Variants in ANKS1B observed in about 807,000 individuals in gnomAD.
ANKS1B encodes the protein ankyrin repeat and sterile alpha motif domain-containing protein 1B.
Under a neutral mutation model 148.3 loss-of-function variants are expected in ANKS1B, and 36 were observed. The observed-to-expected ratio is 0.24, with a 90% CI of 0.19 to 0.32. ANKS1B has a LOEUF of 0.32. Ranked by LOEUF, ANKS1B falls within the 10% of genes least tolerant of loss-of-function variation. The pLI is 1.00. For synonymous variants in ANKS1B, 542 were observed against 560.8 expected (o/e 0.97, Z 0.47); for missense variants, 1,157 against 1,542.6 (o/e 0.75, Z 4.19).
At chr12:99,383,773 G>C (rs528037756) in intron 12 of ANKS1B, among the ~76,000 whole-genome samples, 6 of 150,510 alleles carry the variant, frequency 4.0e-5, no homozygotes, top group Admixed American at 6.6e-5. Context: ...AGCACTTTGG[G>C]AGGCTGAGGC....
chr12:99,464,419 GC>G (rs2096059190), intron 10 of ANKS1B, among the ~76,000 whole-genome samples: 2 of 152,182 alleles, frequency 1.3e-5, no homozygotes, highest in Admixed American at 1.3e-4. Context: ...TTCCTCACCA[GC>G]AACAGAACAA....
At chr12:99,906,562 A>T (rs796474249) in intron 1 of ANKS1B, among the ~76,000 whole-genome samples, 1 of 152,184 alleles carries the variant, frequency 6.6e-6, no homozygotes, top group South Asian at 2.1e-4. Context: ...GAAGTGGGCC[A>T]TATTCATCTC....
intron 8 of ANKS1B, among the ~76,000 whole-genome samples, chr12:99,662,747 T>C (rs527631574): frequency 1.3e-5 from 2 of 152,296 alleles, no homozygotes; most frequent in East Asian, 3.9e-4. Context: ...ACAAACTCTA[T>C]AGCGGAGGTG....
At chr12:99,415,872 A>C (rs2094886822) in intron 11 of ANKS1B, among the ~76,000 whole-genome samples, 1 of 151,956 alleles carries the variant, frequency 6.6e-6, no homozygotes, top group South Asian at 2.1e-4. Flanking sequence ...TTTAGTAGAG[A>C]CGGGGTTTCA....
rs182471955 is a variant in ANKS1B at position 99,135,171 on chromosome 12, G to A, written c.2526+19118C>T. On this transcript the variant is annotated intron_variant, in intron 15 of 26. Coordinates refer to ENST00000683438, the MANE Select transcript of ANKS1B (RefSeq NM_001352186.2). The stretch of plus-strand genomic sequence containing the variant: ...GCCTTGAGAAATTGAAAATATTATT[G>A]CCAAAATTTTAAAAATCTATTTAAA... Among the ~76,000 whole-genome samples the A allele has an allele frequency of 2.0e-5, 3 of 152,182 alleles. No homozygotes were observed. The East Asian group carries it at 5.8e-4, about 29-fold the overall frequency.
chr12:99,649,548 C>G (rs2098404493), intron 9 of ANKS1B: 2 of 620,180 alleles, frequency 3.2e-6, no homozygotes, highest in South Asian at 3.9e-5. Context: ...TGGCTGCAAC[C>G]AAGTCTGCAG....
At chr12:98,761,182 A>G (rs1048349409) in intron 25 of ANKS1B, among the ~76,000 whole-genome samples, 3 of 152,218 alleles carry the variant, frequency 2.0e-5, no homozygotes, top group Admixed American at 6.5e-5. Flanking sequence ...CCACTGGGCT[A>G]TCCTACCTTC....
At position 99,673,655 on chromosome 12, in the gene ANKS1B, C is replaced by A. The variant is rs116561100; in HGVS notation, c.1129-18445G>T. On this transcript the variant is annotated intron_variant, in intron 8 of 26. Transcript: ENST00000683438. ...GATAATGCAGTCCTCATGAATAATTCTTGAGATAATACATTTATCCTATTT... is the reference window on the plus strand; with the variant it reads ...GATAATGCAGTCCTCATGAATAATTATTGAGATAATACATTTATCCTATTT... 4.9e-3 allele frequency among the ~76,000 whole-genome samples: 739 copies of A among 151,902 alleles called. 7 individuals carry two copies. The highest frequency in any genetic ancestry group is 0.017 in the African/African-American group (696 of 41,516).
intron 4 of ANKS1B, among the ~76,000 whole-genome samples, chr12:99,803,314 A>T (rs1420764695): frequency 2.0e-5 from 3 of 146,484 alleles, no homozygotes; most frequent in Non-Finnish European, 4.5e-5. Flanking sequence ...CCAAAAAAAA[A>T]ACCAACATAT....
chr12:99,017,022 T>A (rs143305377), intron 17 of ANKS1B, among the ~76,000 whole-genome samples: 1,592 of 152,270 alleles, frequency 0.01, 12 homozygotes, highest in Non-Finnish European at 0.016. Context: ...GTGGGCAATA[T>A]CTAAATATGC....
chr12:99,555,897 T>C (rs1038891846), intron 9 of ANKS1B, among the ~76,000 whole-genome samples: 16 of 152,166 alleles, frequency 1.1e-4, no homozygotes, highest in Non-Finnish European at 1.6e-4. Context: ...GAAGATTTGT[T>C]TTTTGTTGTA....
chr12:99,318,533 T>C (rs1324273742), intron 12 of ANKS1B, among the ~76,000 whole-genome samples: 1 of 152,206 alleles, frequency 6.6e-6, no homozygotes, highest in African/African-American at 2.4e-5. Context: ...TATCATTTTT[T>C]TATTGTGTCT....
chr12:99,943,925 G>A (rs2094985815), intron 1 of ANKS1B, among the ~76,000 whole-genome samples: 1 of 151,896 alleles, frequency 6.6e-6, no homozygotes, highest in African/African-American at 2.4e-5. Flanking sequence ...ATCTACATTA[G>A]GTATTTCTCC....
At chr12:98,833,317 A>G (rs949568729) in intron 17 of ANKS1B, among the ~76,000 whole-genome samples, 1 of 152,224 alleles carries the variant, frequency 6.6e-6, no homozygotes, top group Admixed American at 6.5e-5. Flanking sequence ...ATTCCAAAGC[A>G]TGTTTTACTC....
chr12:99,605,237 T>C (rs1294979703), intron 9 of ANKS1B, among the ~76,000 whole-genome samples: 1 of 152,120 alleles, frequency 6.6e-6, no homozygotes, highest in East Asian at 1.9e-4. Flanking sequence ...TGCATACTTA[T>C]GGAGTGTACA....
chr12:99,798,269 T>G (rs539557322), intron 4 of ANKS1B, among the ~76,000 whole-genome samples: 1 of 151,932 alleles, frequency 6.6e-6, no homozygotes, highest in East Asian at 1.9e-4. Flanking sequence ...AGCATAAAAC[T>G]GTGAGAAGCA....
chr12:99,804,900 GGCTGACCT>G (rs1349733736), intron 4 of ANKS1B, among the ~76,000 whole-genome samples: 1 of 152,148 alleles, frequency 6.6e-6, no homozygotes, highest in Admixed American at 6.5e-5. Flanking sequence ...AGTAAGCCCA[GGCTGACCT>G]GCTGAATCAT....
intron 12 of ANKS1B, among the ~76,000 whole-genome samples, chr12:99,333,867 T>C (rs182466918): frequency 6.7e-6 from 1 of 149,954 alleles, no homozygotes; most frequent in Non-Finnish European, 1.5e-5. Flanking sequence ...TTTTTTTTTT[T>C]TTTTTTTTAA....
At chr12:98,760,760 G>A (rs935718443) in intron 25 of ANKS1B, among the ~76,000 whole-genome samples, 2 of 152,166 alleles carry the variant, frequency 1.3e-5, no homozygotes, top group Non-Finnish European at 2.9e-5. Flanking sequence ...CTCCAAGTGC[G>A]GAATTGACCC....
Sources: allele counts gnomAD v4.1 joint callset (sites outside exome capture counted in the v4.1 genomes callset), GRCh38; gene constraint gnomAD v4.1.1; transcripts MANE v1.5; gene names NCBI Gene and HGNC (gene_info 2026-07-23, HGNC 2026-07-21).